The following MAF variants were observed in gnomAD, a reference collection of about 807,000 sequenced individuals.
MAF encodes the protein transcription factor Maf.
Under a neutral mutation model 22.0 loss-of-function variants are expected in MAF, and 10 were observed. The ratio of observed to expected loss-of-function variants is 0.45; its 90% confidence interval spans 0.28 to 0.77. The LOEUF (loss-of-function observed/expected upper bound fraction) is 0.77. Among genes scored for constraint, MAF ranks in the 30% least tolerant of loss-of-function variants. MAF has a pLI of 0.12. For synonymous variants in MAF, 337 were observed against 255.8 expected (o/e 1.32, Z -3.03); for missense variants, 544 against 548.4 (o/e 0.99, Z 0.08).
chr16:79,318,514 C>A, the MAF span, among the ~76,000 whole-genome samples: 1 of 152,212 alleles, frequency 6.6e-6, no homozygotes, highest in African/African-American at 2.4e-5. Flanking sequence ...CAGCCTGAAC[C>A]TGCACTAGCC....
At chr16:79,468,125 C>T in the MAF span, among the ~76,000 whole-genome samples, 8 of 152,116 alleles carry the variant, frequency 5.3e-5, no homozygotes, top group South Asian at 2.1e-4. Context: ...CCATTGGTGC[C>T]TGGGTTGGCT....
At chr16:79,233,615 C>A in the MAF span, among the ~76,000 whole-genome samples, 1 of 152,024 alleles carries the variant, frequency 6.6e-6, no homozygotes, top group African/African-American at 2.4e-5. Flanking sequence ...AGCTCTGTCC[C>A]ACTGGGAGGT....
chr16:79,481,244 T>TC, the MAF span, among the ~76,000 whole-genome samples: 1 of 151,880 alleles, frequency 6.6e-6, no homozygotes, highest in African/African-American at 2.4e-5. Flanking sequence ...GTTTTTTTTT[T>TC]TTAACACTGT....
chr16:79,403,031 C>G, the MAF span, among the ~76,000 whole-genome samples: 1 of 152,172 alleles, frequency 6.6e-6, no homozygotes. Context: ...GGGTGAAATC[C>G]TGCCTCTCTC....
At chr16:79,398,042 G>C in the MAF span, among the ~76,000 whole-genome samples, 11 of 152,320 alleles carry the variant, frequency 7.2e-5, no homozygotes, top group Non-Finnish European at 1.2e-4. Context: ...CTAATATTAA[G>C]GTGGTTTCAG....
the MAF span, among the ~76,000 whole-genome samples, chr16:79,265,486 T>C: frequency 1.5e-3 from 224 of 144,930 alleles, no homozygotes; most frequent in African/African-American, 5.7e-3. Context: ...AAGTACGATA[T>C]GTTCCAAGAC....
the MAF span, among the ~76,000 whole-genome samples, chr16:79,521,989 G>A: frequency 6.6e-6 from 1 of 152,156 alleles, no homozygotes; most frequent in East Asian, 1.9e-4. Flanking sequence ...AAACAGCCAG[G>A]AAAATGGCAA....
At chr16:79,346,182 C>CG in the MAF span, among the ~76,000 whole-genome samples, 1 of 142,382 alleles carries the variant, frequency 7.0e-6, no homozygotes, top group East Asian at 2.0e-4. Flanking sequence ...TCCCCGCTCC[C>CG]CCCACCCCAC....
the MAF span, among the ~76,000 whole-genome samples, chr16:79,397,457 C>T: frequency 6.6e-6 from 1 of 152,088 alleles, no homozygotes; most frequent in South Asian, 2.1e-4. Context: ...TTTTTTCATT[C>T]TAATTAAAGC....
chr16:79,533,412 A>G, the MAF span, among the ~76,000 whole-genome samples: 1 of 152,196 alleles, frequency 6.6e-6, no homozygotes, highest in East Asian at 1.9e-4. Flanking sequence ...AATATTCCTT[A>G]TATTAATACT....
the MAF span, among the ~76,000 whole-genome samples, chr16:79,560,359 C>T: frequency 1.1e-4 from 16 of 150,984 alleles, no homozygotes; most frequent in Non-Finnish European, 2.1e-4. Context: ...CTGGACATTT[C>T]AAATTAAGTT....
chr16:79,537,620 A>G, the MAF span, among the ~76,000 whole-genome samples: 1 of 152,094 alleles, frequency 6.6e-6, no homozygotes, highest in South Asian at 2.1e-4. Flanking sequence ...AGTCTTTTTC[A>G]ATTAGGAACA....
At chr16:79,341,101 G>C in the MAF span, among the ~76,000 whole-genome samples, 2 of 152,232 alleles carry the variant, frequency 1.3e-5, no homozygotes, top group African/African-American at 2.4e-5. Flanking sequence ...GTGTGATGGA[G>C]CAGAGTGTAG....
At chr16:79,355,941 G>A in the MAF span, among the ~76,000 whole-genome samples, 5 of 152,122 alleles carry the variant, frequency 3.3e-5, 1 homozygote, top group Admixed American at 2.6e-4. Flanking sequence ...AAATAGCCTC[G>A]TAATCCTTCT....
chr16:79,588,944 A>T (rs770541230), downstream of MAF, among the ~76,000 whole-genome samples: 3 of 152,308 alleles, frequency 2.0e-5, no homozygotes, highest in Middle Eastern at 3.4e-3. Flanking sequence ...AAGATTACCG[A>T]GGGTTTTTCC....
the MAF span, among the ~76,000 whole-genome samples, chr16:79,545,092 G>C: frequency 6.6e-6 from 1 of 151,992 alleles, no homozygotes; most frequent in African/African-American, 2.4e-5. Context: ...TCTGTTGTTT[G>C]TTTTCCTTCT....
At chr16:79,311,222 CA>C in the MAF span, among the ~76,000 whole-genome samples, 8 of 152,102 alleles carry the variant, frequency 5.3e-5, no homozygotes, top group Admixed American at 2.0e-4. Context: ...CGCCTTTGTC[CA>C]AAAAGCTTCC....
the MAF span, among the ~76,000 whole-genome samples, chr16:79,526,121 G>GAGATTCAC: frequency 1.3e-5 from 2 of 152,208 alleles, no homozygotes; most frequent in African/African-American, 4.8e-5. Flanking sequence ...CAAATGTGAA[G>GAGATTCAC]AGATTCACAC....
At chr16:79,368,417 T>C in the MAF span, among the ~76,000 whole-genome samples, 2 of 152,262 alleles carry the variant, frequency 1.3e-5, no homozygotes, top group Admixed American at 1.3e-4. Context: ...TCCACGGGTC[T>C]ACGATTGTGT....
Sources: allele counts gnomAD v4.1 joint callset (sites outside exome capture counted in the v4.1 genomes callset), GRCh38; gene constraint gnomAD v4.1.1; transcripts MANE v1.5; gene names NCBI Gene and HGNC (gene_info 2026-07-23, HGNC 2026-07-21).